MCPH1: variants seen among roughly 807,000 people sequenced by gnomAD.
The protein encoded by MCPH1 is microcephalin.
MCPH1 carries 104 observed loss-of-function variants against 84.5 expected under a neutral mutation model. That is an observed-to-expected ratio of 1.23 (90% confidence interval 1.05 to 1.45). The LOEUF (loss-of-function observed/expected upper bound fraction) is 1.45. MCPH1 is among the 40% of genes most tolerant of loss of function. MCPH1 has a pLI of 0.00. For synonymous variants in MCPH1, 514 were observed against 366.8 expected (o/e 1.40, Z -4.58); for missense variants, 1,498 against 1,005.7 (o/e 1.49, Z -6.62).
intron 12 of MCPH1, among the ~76,000 whole-genome samples, chr8:6,571,998 C>T (rs1026127781): frequency 4.6e-5 from 7 of 152,084 alleles, no homozygotes; most frequent in Non-Finnish European, 8.8e-5. Context: ...CTCTTAAAAA[C>T]GCTATTTCAA....
At chr8:6,604,857 C>A (rs1336316220) in intron 12 of MCPH1, among the ~76,000 whole-genome samples, 1 of 152,158 alleles carries the variant, frequency 6.6e-6, no homozygotes, top group Non-Finnish European at 1.5e-5. Context: ...AACTTAAGTA[C>A]AATAGAAGCT....
intron 3 of MCPH1, among the ~76,000 whole-genome samples, chr8:6,421,453 C>G (rs1417033338): frequency 1.3e-5 from 2 of 151,734 alleles, no homozygotes; most frequent in East Asian, 3.9e-4. Context: ...TGGTCTATAG[C>G]AGAGAATGGC....
At chr8:6,559,687 C>T (rs1825218588) in intron 12 of MCPH1, among the ~76,000 whole-genome samples, 1 of 152,052 alleles carries the variant, frequency 6.6e-6, no homozygotes, top group African/African-American at 2.4e-5. Flanking sequence ...AAAAAAAATT[C>T]CTGTGGTCTC....
intron 13 of MCPH1, chr8:6,625,151 AG>A (rs1468176770): frequency 2.0e-6 from 2 of 981,330 alleles, no homozygotes; most frequent in Non-Finnish European, 2.4e-6. Context: ...CTGGGATTAC[AG>A]GCGTGAGCCA....
chr8:6,512,146 A>T (rs1181267938), intron 12 of MCPH1, among the ~76,000 whole-genome samples: 1 of 152,144 alleles, frequency 6.6e-6, no homozygotes, highest in Non-Finnish European at 1.5e-5. Context: ...TGCTTCACTG[A>T]TGTTTAAAGA....
intron 12 of MCPH1, among the ~76,000 whole-genome samples, chr8:6,533,151 C>A (rs1380856586): frequency 6.6e-6 from 1 of 152,190 alleles, no homozygotes; most frequent in Non-Finnish European, 1.5e-5. Flanking sequence ...AACTTTTAAT[C>A]GCACCTTGGT....
chr8:6,490,733 T>A (rs1052263657), intron 11 of MCPH1, among the ~76,000 whole-genome samples: 1 of 152,172 alleles, frequency 6.6e-6, no homozygotes, highest in Non-Finnish European at 1.5e-5. Flanking sequence ...GAAAATCTCA[T>A]ACAGAAAATT....
At chr8:6,451,708 C>T (rs1447482109) in intron 8 of MCPH1, among the ~76,000 whole-genome samples, 1 of 152,070 alleles carries the variant, frequency 6.6e-6, no homozygotes, top group African/African-American at 2.4e-5. Flanking sequence ...AGGAATTTTT[C>T]CTAGGTGTCT....
chr8:6,406,738 G>C, intron 1 of MCPH1, 49 bp downstream of exon 1: 1 of 1,602,978 alleles, frequency 6.2e-7, no homozygotes, highest in Non-Finnish European at 8.5e-7. Flanking sequence ...TTGAGGACCG[G>C]CACCCCTCGT....
intron 9 of MCPH1, among the ~76,000 whole-genome samples, chr8:6,469,025 C>T (rs1374810620): frequency 6.6e-6 from 1 of 151,878 alleles, no homozygotes; most frequent in African/African-American, 2.4e-5. Context: ...CTCATCTCTA[C>T]TAAAAATAAT....
chr8:6,643,366 G>C lies in MCPH1; in HGVS notation c.*317G>C. The C allele has an allele frequency of 2.7e-6, 1 of 367,790 alleles. No homozygotes were observed. Among genetic ancestry groups the C allele is most frequent in the Non-Finnish European group, 5.1e-6 (1 of 196,124 alleles). The allele number at this position is 367,790 out of a possible 1,614,324, so 22.8% of individuals were successfully genotyped here. On this transcript the variant is annotated 3_prime_UTR_variant, in exon 14 of 14. Coordinates refer to ENST00000344683, the MANE Select transcript of MCPH1 (RefSeq NM_024596.5). ...TGCAACCTCCACCTCCCAGGTTCAA[G>C]CGATTCTGCTGCCTCAGCCTCCTGA...
intron 3 of MCPH1, among the ~76,000 whole-genome samples, chr8:6,418,572 G>T (rs1352770107): frequency 6.6e-6 from 1 of 151,914 alleles, no homozygotes. Context: ...GACTCCTTAG[G>T]GATATTTTTT....
chr8:6,509,069 G>T (rs1164975000), intron 12 of MCPH1: 1 of 1,611,848 alleles, frequency 6.2e-7, no homozygotes, highest in East Asian at 2.2e-5. Context: ...AATCCTGTAA[G>T]CGTGCAAAGA....
At position 6,536,583 on chromosome 8, in the gene MCPH1, C is replaced by G. The variant is rs142042260; in HGVS notation, c.2214+36654C>G. Among the ~76,000 whole-genome samples the G allele has an allele frequency of 1.7e-3, 252 of 152,228 alleles. 8 individuals are homozygous for G. The South Asian group carries it at 0.031, about 19-fold the overall frequency. On this transcript the variant is annotated intron_variant, in intron 12 of 13. Transcript: ENST00000344683. The stretch of plus-strand genomic sequence containing the variant: ...ATTCTATCTTCTGGGAGCATCCTGA[C>G]AAAAGAATCTGTGTTTTCTTCCAAA...
At chr8:6,521,713 C>T (rs890528428) in intron 12 of MCPH1, among the ~76,000 whole-genome samples, 3 of 152,188 alleles carry the variant, frequency 2.0e-5, no homozygotes, top group African/African-American at 7.2e-5. Context: ...GTATTAGATG[C>T]TGCAGCGCTC....
intron 12 of MCPH1, among the ~76,000 whole-genome samples, chr8:6,516,526 C>T (rs1481694855): frequency 1.3e-5 from 2 of 152,202 alleles, no homozygotes; most frequent in African/African-American, 2.4e-5. Flanking sequence ...CAACACAGTT[C>T]CAAGTTTAAA....
At chr8:6,435,049 T>C (rs1802442709) in intron 4 of MCPH1, among the ~76,000 whole-genome samples, 1 of 151,930 alleles carries the variant, frequency 6.6e-6, no homozygotes, top group African/African-American at 2.4e-5. Flanking sequence ...TGGTTAAGAG[T>C]AGAGTTAACC....
At chr8:6,507,659 C>G (rs1190445001) in intron 12 of MCPH1, 2 of 149,836 alleles carry the variant, frequency 1.3e-5, no homozygotes, top group African/African-American at 2.5e-5. Flanking sequence ...TTACTGCAAC[C>G]TCTGCCTCCC....
chr8:6,426,994 G>A (rs970851428), intron 3 of MCPH1, among the ~76,000 whole-genome samples: 1 of 152,196 alleles, frequency 6.6e-6, no homozygotes, highest in African/African-American at 2.4e-5. Context: ...ACATCACAGT[G>A]TGTATTAACA....
Sources: gnomAD v4.1 joint callset for allele counts (sites outside exome capture counted in the v4.1 genomes callset) on GRCh38, gnomAD v4.1.1 for gene constraint, MANE v1.5 for transcripts, NCBI Gene and HGNC (gene_info 2026-07-23, HGNC 2026-07-21) for gene names.